RHBDL2: variants seen among roughly 807,000 people sequenced by gnomAD.
The protein encoded by RHBDL2 is rhomboid-related protein 2.
In RHBDL2, 26 loss-of-function variants were observed where a neutral mutation model predicts 31.7. The ratio of observed to expected loss-of-function variants is 0.82; its 90% CI spans 0.60 to 1.14. RHBDL2 has a LOEUF of 1.14. RHBDL2 is among the 50% of genes most tolerant of loss of function. RHBDL2 has a pLI of 0.00. For synonymous variants in RHBDL2, 123 were observed against 127.2 expected (o/e 0.97, Z 0.22); for missense variants, 336 against 364.4 (o/e 0.92, Z 0.63).
chr1:38,888,311 T>G (rs1642811548), intron 6 of RHBDL2, among the ~76,000 whole-genome samples: 1 of 150,358 alleles, frequency 6.7e-6, no homozygotes, highest in South Asian at 2.1e-4. Context: ...TGGACAGATC[T>G]AACAGCCCTG....
intron 1 of RHBDL2, chr1:38,929,646 G>A (rs902646002): frequency 9.3e-6 from 11 of 1,184,818 alleles, no homozygotes; most frequent in Admixed American, 5.4e-5. Context: ...GCTGGGCAGC[G>A]GGCTGTGCTG....
chr1:38,913,172 G>C (rs1000770324), intron 3 of RHBDL2, among the ~76,000 whole-genome samples: 1 of 151,562 alleles, frequency 6.6e-6, no homozygotes, highest in African/African-American at 2.4e-5. Flanking sequence ...TACTAGAGAC[G>C]GGGTTTCACC....
At chr1:38,902,245 G>A (rs540691396) in intron 4 of RHBDL2, among the ~76,000 whole-genome samples, 8 of 110,600 alleles carry the variant, frequency 7.2e-5, no homozygotes, top group East Asian at 5.3e-4. Flanking sequence ...TCACTCTGTC[G>A]CCCAGGCTGG....
intron 4 of RHBDL2, among the ~76,000 whole-genome samples, chr1:38,908,305 G>C (rs1029887676): frequency 6.6e-6 from 1 of 152,044 alleles, no homozygotes; most frequent in Non-Finnish European, 1.5e-5. Context: ...CTGAGGTTAG[G>C]AGTTTGAGAC....
Position 38,896,003 on chromosome 1 carries a change from G to T in RHBDL2, c.575C>A (p.Ala192Asp), listed in dbSNP as rs1344746484. 3 of 1,613,658 alleles carry T rather than the reference G, an allele frequency of 1.9e-6. No homozygotes were observed. The highest frequency in any genetic ancestry group is 8.5e-7 in the Non-Finnish European group (1 of 1,179,686). Residue 192 changes from alanine (A) to aspartate (D), a missense_variant, in exon 5 of 8, where the codon GCT (alanine) becomes GAT (aspartate). Ala to Asp is a moderately radical substitution (Grantham distance 126). Coordinates refer to ENST00000372990, the MANE Select transcript of RHBDL2 (RefSeq NM_017821.5). ...ATTCATAAAATAGCCTCCCATCAGA[G>T]CATAGACTCCTCCTGAAGCTCCCAC... ...YLVGASGGVY[A>D]LMGGYFMNVL...
intron 4 of RHBDL2, among the ~76,000 whole-genome samples, chr1:38,902,736 A>T (rs1322529400): frequency 6.6e-6 from 1 of 151,376 alleles, no homozygotes; most frequent in East Asian, 1.9e-4. Flanking sequence ...ATTTTTTTTT[A>T]AAGATGGGGT....
chr1:38,940,769 C>T (rs1331338168), intron 1 of RHBDL2, among the ~76,000 whole-genome samples: 2 of 152,096 alleles, frequency 1.3e-5, no homozygotes, highest in Non-Finnish European at 2.9e-5. Context: ...TTGAGCTGGC[C>T]GCCGTGCCTC....
intron 2 of RHBDL2, among the ~76,000 whole-genome samples, chr1:38,918,244 G>A (rs1401459509): frequency 6.6e-6 from 1 of 152,212 alleles, no homozygotes; most frequent in Admixed American, 6.5e-5. Context: ...TGAGGCATCA[G>A]TGCATCAGTG....
rs1643276070 is a variant in RHBDL2 at position 38,919,085 on chromosome 1, T to C, written c.128A>G (p.Lys43Arg). ...TTTTGAGACAATCCTGTGGACCTTT[T>C]TACTCTTGGCCCGATCTTTACCTCC... ...DGGGKDRAKSKKVHRIVSKWM... is the reference protein window; with the variant it reads ...DGGGKDRAKSRKVHRIVSKWM... Residue 43 changes from lysine to arginine, a missense_variant, in exon 2 of 8, where the codon AAA (lysine) becomes AGA (arginine). Physicochemically the swap from Lys to Arg is conservative, Grantham distance 26 (BLOSUM62 2). Transcript: ENST00000372990. The C allele has an allele frequency of 6.2e-7, 1 of 1,614,060 alleles. No homozygotes were observed.
At chr1:38,930,830 C>T (rs1360367823) in intron 1 of RHBDL2, among the ~76,000 whole-genome samples, 1 of 152,150 alleles carries the variant, frequency 6.6e-6, no homozygotes, top group African/African-American at 2.4e-5. Context: ...GCTTTCACTG[C>T]TTCGTGTAGA....
At chr1:38,929,411 C>T (rs776376526) in intron 1 of RHBDL2, 19 of 1,289,438 alleles carry the variant, frequency 1.5e-5, no homozygotes, top group South Asian at 1.4e-4. Flanking sequence ...TTCTTCGCCT[C>T]ACCCAGGAAG....
chr1:38,918,501 C>T (rs967415406), intron 2 of RHBDL2, among the ~76,000 whole-genome samples: 1 of 152,166 alleles, frequency 6.6e-6, no homozygotes, highest in African/African-American at 2.4e-5. Flanking sequence ...AGCCTGAAAA[C>T]ACACCACGTG....
At chr1:38,907,188 T>C (rs959616822) in intron 4 of RHBDL2, among the ~76,000 whole-genome samples, 2 of 152,166 alleles carry the variant, frequency 1.3e-5, no homozygotes, top group Admixed American at 1.3e-4. Context: ...TCTAGCATAA[T>C]TGGATATCTT....
chr1:38,937,174 C>T (rs1429327066), intron 1 of RHBDL2, among the ~76,000 whole-genome samples: 1 of 150,472 alleles, frequency 6.6e-6, no homozygotes, highest in Non-Finnish European at 1.5e-5. Context: ...TCTCAATCTC[C>T]TGACCTTGTG....
chr1:38,892,847 G>GA (rs1642871230), intron 6 of RHBDL2, among the ~76,000 whole-genome samples: 1 of 152,172 alleles, frequency 6.6e-6, no homozygotes, highest in Non-Finnish European at 1.5e-5. Context: ...AATAGCTGCT[G>GA]AAACAAATTG....
intron 1 of RHBDL2, among the ~76,000 whole-genome samples, chr1:38,931,067 A>C (rs931816584): frequency 6.6e-6 from 1 of 152,214 alleles, no homozygotes; most frequent in Admixed American, 6.5e-5. Context: ...CATCAGAATC[A>C]TCTGAAGAGA....
rs1327384107 is a variant in RHBDL2 at position 38,886,571 on chromosome 1, A to G, written c.845T>C (p.Ile282Thr). The G allele has an allele frequency of 6.2e-7, 1 of 1,606,440 alleles. No homozygotes were observed. The highest frequency in any genetic ancestry group is 2.2e-5 in the East Asian group (1 of 44,666). The change falls in exon 8 of 8, where the codon ATT (isoleucine) becomes ACT (threonine). Residue 282 changes from isoleucine to threonine, a missense_variant. Physicochemically the swap from Ile to Thr is moderately conservative, Grantham distance 89. Transcript: ENST00000372990. ...TAAGACACAAGCTAAATATGCAGCAATTGCTATCCAAAACCTTGGATCTTT... is the reference window on the plus strand; with the variant it reads ...TAAGACACAAGCTAAATATGCAGCAGTTGCTATCCAAAACCTTGGATCTTT... ...LLKDPRFWIA[I>T]AAYLACVLFA...
rs1360480588 is a variant in RHBDL2, at chr1:38,894,688, CT to C, written c.609+1280del. Among the ~76,000 whole-genome samples, 6 of 131,334 alleles carry C rather than the reference CT, an allele frequency of 4.6e-5. No individual in the cohort carries two copies. The South Asian group carries it at 7.2e-4, about 16-fold the overall frequency. The allele number at this position is 131,334 out of a possible 152,430, so 86.2% of individuals were successfully genotyped here. A position where few individuals can be genotyped will look rare whatever the true frequency, so the allele number is the denominator to read the frequency against. ...GATAAATGTAAAAAGCATTTCTTTT[CT>C]TTTTTTTCTTTTTTTTTCTTTTTTT... is the stretch of plus-strand genomic sequence containing the variant. On this transcript the variant is annotated intron_variant, in intron 5 of 7. Transcript: ENST00000372990.
In RHBDL2 at chr1:38,929,494, G is replaced by A. The variant is rs189765746; in HGVS notation, c.-125-10157C>T. 1.3e-3 allele frequency: 1,644 copies of A among 1,289,416 alleles called. 3 individuals carry two copies. Among genetic ancestry groups the A allele is most frequent in the Admixed American group, 5.4e-3 (234 of 43,572 alleles). The allele number at this position is 1,289,416 out of a possible 1,614,324, so 79.9% of individuals were successfully genotyped here. A position where few individuals can be genotyped will look rare whatever the true frequency, so the allele number is the denominator to read the frequency against. On this transcript the variant is annotated intron_variant, in intron 1 of 7. Transcript: ENST00000372990. The stretch of plus-strand genomic sequence containing the variant: ...ACACTTTTAGTTGTGAGCTTGTGCC[G>A]CTTGCCTAGCTGCATTCAAACAGGG...
Sources: allele counts gnomAD v4.1 joint callset (sites outside exome capture counted in the v4.1 genomes callset), GRCh38; gene constraint gnomAD v4.1.1; transcripts MANE v1.5; gene names NCBI Gene and HGNC (gene_info 2026-07-23, HGNC 2026-07-21).